Variants in PSIP1 observed in about 807,000 individuals in gnomAD.
The protein encoded by PSIP1 is PC4 and SFRS1-interacting protein.
Under a neutral mutation model 74.7 loss-of-function variants are expected in PSIP1, and 19 were observed. The observed-to-expected ratio is 0.25, with a 90% CI of 0.18 to 0.37. The LOEUF is 0.37. Among genes scored for constraint, PSIP1 ranks in the 10% least tolerant of loss-of-function variants. The pLI is 1.00. For synonymous variants in PSIP1, 222 were observed against 195.3 expected (o/e 1.14, Z -1.14); for missense variants, 601 against 614.3 (o/e 0.98, Z 0.23).
In PSIP1 at chr9:15,510,258, G is replaced by A. The variant is rs912763206; in HGVS notation, c.-70C>T. The A allele has an allele frequency of 1.4e-5, 21 of 1,460,214 alleles. No individual in the cohort carries two copies. The highest frequency in any genetic ancestry group is 7.3e-5 in the Admixed American group (4 of 54,530). The allele number at this position is 1,460,214 out of a possible 1,614,324, so 90.5% of individuals were successfully genotyped here. ...GGAGATGCGGCGGCGCGGGGATGCG[G>A]GCGGCGGACGCGGGCCCAGCTACCG... is the stretch of plus-strand genomic sequence containing the variant. On this transcript the variant is annotated 5_prime_UTR_variant, in exon 2 of 16. Coordinates refer to ENST00000380733, the MANE Select transcript of PSIP1 (RefSeq NM_033222.5).
intron 3 of PSIP1, among the ~76,000 whole-genome samples, chr9:15,504,002 C>A (rs7021840): frequency 5.9e-5 from 9 of 152,120 alleles, no homozygotes; most frequent in African/African-American, 2.2e-4. Context: ...GCTTCAGCCT[C>A]CCAAAGTGCT....
rs767196545 is a variant in PSIP1, at chr9:15,510,087, T to A, written c.72+30A>T. On this transcript the variant is annotated intron_variant, in intron 2 of 15. Coordinates refer to ENST00000380733, the MANE Select transcript of PSIP1 (RefSeq NM_033222.5). ...AGGCCTCTGGAGAGGAGGGTAGCAC[T>A]GCTAAGCGCGAGGGCTACAAATCAC... The A allele has an allele frequency of 1.9e-6, 3 of 1,595,274 alleles. No individual in the cohort carries two copies. The African/African-American group carries it at 4.1e-5, about 22-fold the overall frequency.
intron 3 of PSIP1, chr9:15,506,280 C>T (rs1376321652): frequency 3.6e-6 from 1 of 279,436 alleles, no homozygotes; most frequent in African/African-American, 2.2e-5. Flanking sequence ...TATCAGATCA[C>T]TTATTAAAAC....
chr9:15,509,365 G>A (rs796565549), intron 2 of PSIP1, among the ~76,000 whole-genome samples: 1 of 152,246 alleles, frequency 6.6e-6, no homozygotes, highest in East Asian at 1.9e-4. Context: ...AAAATGGAGC[G>A]TAGATCTTTA....
intron 9 of PSIP1, among the ~76,000 whole-genome samples, 175 bp downstream of exon 9, chr9:15,473,834 G>A (rs982426135): frequency 1.3e-5 from 2 of 148,474 alleles, no homozygotes; most frequent in African/African-American, 5.0e-5. Context: ...CCAGGAGGCA[G>A]AGGTTGCAGT....
chr9:15,504,728 C>T (rs1231040843), intron 3 of PSIP1, among the ~76,000 whole-genome samples: 2 of 149,016 alleles, frequency 1.3e-5, no homozygotes, highest in Non-Finnish European at 3.0e-5. Flanking sequence ...CAGAGCTAGA[C>T]TCGGTCTCAA....
chr9:15,472,868 A>ATTTTCTATT, intron 9 of PSIP1, 118 bp from the exon 10 acceptor site: 1 of 885,096 alleles, frequency 1.1e-6, no homozygotes, highest in Non-Finnish European at 1.8e-6. Flanking sequence ...GAATACTCAA[A>ATTTTCTATT]TTAGCAACCT....
chr9:15,482,933 C>G (rs16933317), intron 6 of PSIP1, among the ~76,000 whole-genome samples: 3,750 of 152,244 alleles, frequency 0.025, 143 homozygotes, highest in African/African-American at 0.085. Flanking sequence ...CTGGTACCCT[C>G]TCTAAATCAG....
At chr9:15,497,273 A>G (rs1261860445) in intron 3 of PSIP1, among the ~76,000 whole-genome samples, 1 of 151,658 alleles carries the variant, frequency 6.6e-6, no homozygotes, top group East Asian at 1.9e-4. Flanking sequence ...CTTGAAAAAC[A>G]TCATCCTAAG....
At chr9:15,466,283 G>C (rs2035620696) in intron 15 of PSIP1, among the ~76,000 whole-genome samples, 1 of 151,870 alleles carries the variant, frequency 6.6e-6, no homozygotes, top group African/African-American at 2.4e-5. Flanking sequence ...GGAGGCTGAG[G>C]CAGGAGAATC....
At chr9:15,507,647 C>CAA (rs369178028) in intron 2 of PSIP1, among the ~76,000 whole-genome samples, 1 of 149,992 alleles carries the variant, frequency 6.7e-6, no homozygotes, top group African/African-American at 2.4e-5. Context: ...TTAAAAAAAA[C>CAA]AAAAAAAAAG....
At chr9:15,471,169 G>A (rs367761142) in intron 10 of PSIP1, 45 of 1,606,904 alleles carry the variant, frequency 2.8e-5, no homozygotes, top group Admixed American at 2.0e-4. Flanking sequence ...TCAGTAACTG[G>A]ATTAATGCTT....
At chr9:15,503,303 G>A (rs2037429074) in intron 3 of PSIP1, among the ~76,000 whole-genome samples, 1 of 151,900 alleles carries the variant, frequency 6.6e-6, no homozygotes. Context: ...AGAGGTGGAG[G>A]TTGCAATGAG....
At chr9:15,508,464 C>G (rs1375960709) in intron 2 of PSIP1, among the ~76,000 whole-genome samples, 2 of 152,158 alleles carry the variant, frequency 1.3e-5, no homozygotes, top group African/African-American at 2.4e-5. Context: ...TCTGGTCTTC[C>G]AAAGGCTACC....
At chr9:15,467,501 A>C (rs1490286608) in intron 14 of PSIP1, among the ~76,000 whole-genome samples, 4 of 152,212 alleles carry the variant, frequency 2.6e-5, no homozygotes, top group African/African-American at 9.6e-5. Context: ...ATTCTGTTTT[A>C]AGAGTCTTTC....
chr9:15,472,543 T>TA, intron 10 of PSIP1, 89 bp downstream of exon 10: 1 of 1,496,940 alleles, frequency 6.7e-7, no homozygotes, highest in Non-Finnish European at 8.8e-7. Flanking sequence ...AAAGGCTTCA[T>TA]AAAGTCTGGA....
intron 6 of PSIP1, among the ~76,000 whole-genome samples, chr9:15,480,739 C>T (rs1481700484): frequency 3.3e-5 from 5 of 151,964 alleles, no homozygotes; most frequent in African/African-American, 1.2e-4. Context: ...CTGGCCAACA[C>T]GATGAAACCC....
chr9:15,472,562 G>C, intron 10 of PSIP1, 70 bp downstream of exon 10: 1 of 1,524,372 alleles, frequency 6.6e-7, no homozygotes, highest in Non-Finnish European at 8.7e-7. Context: ...GAAAATGAAA[G>C]TCTATTATTT....
At chr9:15,487,066 T>C in intron 4 of PSIP1, 135 bp from the exon 5 acceptor site, 1 of 501,548 alleles carries the variant, frequency 2.0e-6, no homozygotes, top group Non-Finnish European at 3.3e-6. Context: ...GGCGCAATTA[T>C]GGTTCACTGA....
Sources: allele counts gnomAD v4.1 joint callset (sites outside exome capture counted in the v4.1 genomes callset), GRCh38; gene constraint gnomAD v4.1.1; transcripts MANE v1.5; gene names NCBI Gene and HGNC (gene_info 2026-07-23, HGNC 2026-07-21).